Variants in LYZL1 observed in about 807,000 individuals in gnomAD.
The protein encoded by LYZL1 is lysozyme-like protein 1.
In LYZL1, 16 loss-of-function variants were observed where a neutral mutation model predicts 17.9. That is an observed-to-expected ratio of 0.90 (90% confidence interval 0.61 to 1.36). The LOEUF is 1.36. Among genes scored for constraint, LYZL1 ranks in the 40% most tolerant of loss-of-function variants. The pLI, the probability that LYZL1 is intolerant of heterozygous loss-of-function variation, is 0.00. For synonymous variants in LYZL1, 58 were observed against 71.8 expected, an observed-to-expected ratio of 0.81 and a Z score of 0.97; for missense variants, 149 against 188.4, an observed-to-expected ratio of 0.79 and a Z score of 1.22.
At chr10:29,315,737 T>C (rs1588666173), downstream of LYZL1, among the ~76,000 whole-genome samples, 1 of 151,390 alleles carries the variant, frequency 6.6e-6, no homozygotes, top group South Asian at 2.1e-4. Flanking sequence ...TGGTCCCAGC[T>C]ACTTGGGAGG....
chr10:29,301,362 G>A (rs1835516242), intron 3 of LYZL1, among the ~76,000 whole-genome samples: 1 of 152,010 alleles, frequency 6.6e-6, no homozygotes, highest in Non-Finnish European at 1.5e-5. Context: ...GTCTTTATCA[G>A]CAGAATGAAA....
Position 29,292,532 on chromosome 10 carries a change from A to G in LYZL1, c.153A>G (p.Ala51=), listed in dbSNP as rs143727379. The G allele has an allele frequency of 8.8e-4, 1,417 of 1,614,130 alleles. No homozygotes were observed. Among genetic ancestry groups the G allele is most frequent in the East Asian group, 2.0e-3 (91 of 44,874 alleles). The change falls in exon 3 of 5, where the codon GCA becomes GCG. Residue 51 remains alanine, a synonymous_variant. Transcript: ENST00000649382. ...GFSLGNWICM[A]YYESGYNTTA... is the part of the protein sequence containing the mutation. The stretch of plus-strand genomic sequence containing the variant: ...TCCCCCCTCCAGGGATCTGCATGGC[A>G]TATTATGAGAGCGGCTACAACACCA...
chr10:29,298,649 G>C (rs10826597), intron 3 of LYZL1, among the ~76,000 whole-genome samples: 34,380 of 152,078 alleles, frequency 0.23, 3,984 homozygotes, highest in Admixed American at 0.3. Context: ...AGGAAGACAT[G>C]GTTCAGGAAA....
intron 3 of LYZL1, among the ~76,000 whole-genome samples, chr10:29,308,516 GA>G (rs1403580024): frequency 6.6e-6 from 1 of 152,226 alleles, no homozygotes; most frequent in East Asian, 1.9e-4. Context: ...AATTGCAACA[GA>G]AGTGATATTG....
downstream of LYZL1, among the ~76,000 whole-genome samples, chr10:29,313,125 A>G (rs530463958): frequency 7.2e-5 from 11 of 152,266 alleles, no homozygotes; most frequent in South Asian, 2.3e-3. Context: ...AAATAAATAA[A>G]CATGTTATAT....
At chr10:29,317,686 G>A (rs1377715467) in intron 4 of LYZL1, among the ~76,000 whole-genome samples, 4 of 152,116 alleles carry the variant, frequency 2.6e-5, no homozygotes, top group African/African-American at 9.7e-5. Context: ...CTGTAAAATG[G>A]GAATAACAGT....
Position 29,310,177 on chromosome 10 carries a change from A to G in LYZL1, c.366A>G (p.Gly122=). ...GGAAAATTGTTAAAGAGACACAAGGAATGAACTATTGGTAAGAGTGTTTTC... is the reference window on the plus strand; with the variant it reads ...GGAAAATTGTTAAAGAGACACAAGGGATGAACTATTGGTAAGAGTGTTTTC... ...CARKIVKETQ[G]MNYWQGWKKH... is the part of the protein sequence containing the mutation. Residue 122 remains glycine, a synonymous_variant, in exon 4 of 5, where the codon GGA becomes GGG. Coordinates refer to ENST00000649382, the MANE Select transcript of LYZL1 (RefSeq NM_032517.6). 6.2e-7 allele frequency: 1 copy of G among 1,607,030 alleles called. No homozygotes were observed. The highest frequency in any genetic ancestry group is 8.5e-7 in the Non-Finnish European group (1 of 1,173,646).
Position 29,292,453 on chromosome 10 carries a change from C to T in LYZL1, c.140-66C>T, listed in dbSNP as rs1413759456. The T allele has an allele frequency of 6.3e-6, 10 of 1,581,806 alleles. No homozygotes were observed. The South Asian group carries it at 8.3e-5, about 13-fold the overall frequency. ...GGTAACAAGGATAAGGAAACTCGCC[C>T]TCAGACCAAGCTTAGAGCAAAAGAT... On this transcript the variant is annotated intron_variant, in intron 2 of 4. Coordinates refer to ENST00000649382, the MANE Select transcript of LYZL1 (RefSeq NM_032517.6).
chr10:29,310,090 A>T lies in LYZL1; in HGVS notation c.299-20A>T, dbSNP rs180680500. 7.7e-4 allele frequency: 1,218 copies of T among 1,584,626 alleles called. 8 individuals are homozygous for T. In the African/African-American group the frequency reaches 0.014, roughly 18 times the overall value. On this transcript the variant is annotated intron_variant, in intron 3 of 4. Transcript: ENST00000649382. ...AACAACAAAGTCTCGCCTAACCCTG[A>T]TGTCTTCTCTCTTTTACAGCCTTGA... is the stretch of plus-strand genomic sequence containing the variant.
rs202099465 is a variant in LYZL1, at chr10:29,316,695, T to TTTTTCC, written c.*-604_*-599dup. Among the ~76,000 whole-genome samples, 15 of 149,734 alleles carry TTTTTCC rather than the reference T, an allele frequency of 1.0e-4. No individual in the cohort carries two copies. In the East Asian group the frequency reaches 1.2e-3, roughly 12 times the overall value. On this transcript the variant is annotated intron_variant and NMD_transcript_variant, in intron 3 of 4. Transcript: ENST00000494304. ...CTTCCAGGTTTTTTTTTTCTTTTTC[T>TTTTTCC]TTTTCCTTTTCCTTTTTTTTTTTCT...
At chr10:29,303,947 A>G (rs1835555650) in intron 3 of LYZL1, among the ~76,000 whole-genome samples, 1 of 152,110 alleles carries the variant, frequency 6.6e-6, no homozygotes, top group African/African-American at 2.4e-5. Flanking sequence ...TTTGGTAGAG[A>G]AGGGGGTCTC....
chr10:29,318,105 G>C, intron 4 of LYZL1: 2 of 958,618 alleles, frequency 2.1e-6, no homozygotes, highest in Non-Finnish European at 2.5e-6. Context: ...GGTGCAGATA[G>C]TGGCTGAAAG....
At chr10:29,302,156 T>A (rs1202562443) in intron 3 of LYZL1, among the ~76,000 whole-genome samples, 3 of 152,236 alleles carry the variant, frequency 2.0e-5, no homozygotes, top group African/African-American at 7.2e-5. Context: ...ATGTGCCACA[T>A]TTCCCTGCCT....
chr10:29,291,073 CG>C (rs753027000), intron 1 of LYZL1, among the ~76,000 whole-genome samples: 10 of 150,158 alleles, frequency 6.7e-5, no homozygotes, highest in Non-Finnish European at 1.5e-4. Context: ...GTAGGGGTCA[CG>C]GGCACCGACG....
In LYZL1 at chr10:29,300,002, G is replaced by A. The variant is rs141536650; in HGVS notation, c.298+7325G>A. Among the ~76,000 whole-genome samples, 700 of 152,244 alleles carry A rather than the reference G, an allele frequency of 4.6e-3. 7 individuals are homozygous for A. The highest frequency in any genetic ancestry group is 0.014 in the African/African-American group (591 of 41,568). On this transcript the variant is annotated intron_variant, in intron 3 of 4. Transcript: ENST00000649382. ...GTTTTGATTGCAACTACTCAACCAC[G>A]ACAGAGTGTGAACGCAGCCATAGAA...
At chr10:29,300,443 C>T (rs776969386) in intron 3 of LYZL1, among the ~76,000 whole-genome samples, 1 of 152,116 alleles carries the variant, frequency 6.6e-6, no homozygotes, top group African/African-American at 2.4e-5. Flanking sequence ...TCCTTTGTGC[C>T]ATGTTGTCAC....
intron 3 of LYZL1, among the ~76,000 whole-genome samples, chr10:29,296,416 A>T (rs1046398470): frequency 9.2e-5 from 14 of 152,212 alleles, no homozygotes; most frequent in African/African-American, 3.4e-4. Context: ...TAGAATGAAG[A>T]CAGATTACAA....
Position 29,292,641 on chromosome 10 carries a change from C to G in LYZL1, c.262C>G (p.Leu88Val). ...CTTCGCGTGGTGCAGACGCGGAAAGCTGAAGGAGAACAACCACTGCCATGT... is the reference window on the plus strand; with the variant it reads ...CTTCGCGTGGTGCAGACGCGGAAAGGTGAAGGAGAACAACCACTGCCATGT... ...NSFAWCRRGK[L>V]KENNHCHVAC... is the part of the protein sequence containing the mutation. Residue 88 changes from leucine (L) to valine (V), a missense_variant, in exon 3 of 5, where the codon CTG becomes GTG. Physicochemically the swap from Leu to Val is conservative, Grantham distance 32. Transcript: ENST00000649382. 1.9e-6 allele frequency: 3 copies of G among 1,614,192 alleles called. No homozygotes were observed. The highest frequency in any genetic ancestry group is 2.5e-6 in the Non-Finnish European group (3 of 1,180,004).
chr10:29,307,344 A>G (rs10763708), intron 3 of LYZL1, among the ~76,000 whole-genome samples: 33,143 of 152,082 alleles, frequency 0.22, 3,673 homozygotes, highest in South Asian at 0.29. Context: ...GATTTTGCAT[A>G]TGAGTGAGAT....
Sources: gnomAD v4.1 joint callset for allele counts (sites outside exome capture counted in the v4.1 genomes callset) on GRCh38, gnomAD v4.1.1 for gene constraint, MANE v1.5 for transcripts, NCBI Gene and HGNC (gene_info 2026-07-23, HGNC 2026-07-21) for gene names.